The following MSR1 variants were observed in gnomAD, a reference collection of about 807,000 sequenced individuals.
MSR1 encodes the protein macrophage scavenger receptor 1.
In MSR1, 53 loss-of-function variants were observed where a neutral mutation model predicts 47.2. That is an observed-to-expected ratio of 1.12 (90% CI 0.90 to 1.41). The LOEUF is 1.41. Among genes scored for constraint, MSR1 ranks in the 40% most tolerant of loss-of-function variants. The pLI, the probability that MSR1 is intolerant of heterozygous loss-of-function variation, is 0.00. For synonymous variants in MSR1, 239 were observed against 185.6 expected (o/e 1.29, Z -2.34); for missense variants, 786 against 546.9 (o/e 1.44, Z -4.36).
chr8:16,119,209 T>A lies in MSR1; in HGVS notation c.1222+1209A>T, dbSNP rs35272661. The stretch of plus-strand genomic sequence containing the variant: ...CTAGAACCTGAGACTTCTGCTTAAA[T>A]CCATCTCTTAAACCTAATATGATAA... On this transcript the variant is annotated intron_variant, in intron 9 of 9. Transcript: ENST00000262101. Among the ~76,000 whole-genome samples the A allele has an allele frequency of 8.7e-3, 1,321 of 152,234 alleles. 19 individuals carry two copies. Among genetic ancestry groups the A allele is most frequent in the African/African-American group, 0.03 (1,230 of 41,554 alleles).
intron 8 of MSR1, among the ~76,000 whole-genome samples, chr8:16,126,575 T>C (rs895101897): frequency 6.6e-6 from 1 of 152,164 alleles, no homozygotes; most frequent in Non-Finnish European, 1.5e-5. Context: ...ATGAGATACT[T>C]AGCAATGAAA....
chr8:16,177,357 A>T (rs1323760502), intron 2 of MSR1, among the ~76,000 whole-genome samples: 1 of 152,088 alleles, frequency 6.6e-6, no homozygotes, highest in Non-Finnish European at 1.5e-5. Context: ...GAAGGCGGGA[A>T]AGATGAGTGG....
chr8:16,119,348 C>T (rs1799945482), intron 9 of MSR1, among the ~76,000 whole-genome samples: 1 of 152,050 alleles, frequency 6.6e-6, no homozygotes, highest in Admixed American at 6.6e-5. Context: ...GCCTCAGCCT[C>T]CAAAGTAGCT....
Position 16,164,108 on chromosome 8 carries a change from A to G in MSR1, c.774T>C (p.Asp258=), listed in dbSNP as rs1801236351. The part of the protein sequence containing the change: ...NNITNDLRLK[D]WEHSQTLRNI... Reference sequence around the variant, plus strand: ...TTCTCAAGGTCTGAGAATGTTCCCAATCTTTCAGTCTGAGATCATTAGTGA... The same window carrying G: ...TTCTCAAGGTCTGAGAATGTTCCCAGTCTTTCAGTCTGAGATCATTAGTGA... The change falls in exon 5 of 10, where the codon GAT becomes GAC. Residue 258 remains aspartate, a synonymous_variant. Coordinates refer to ENST00000262101, the MANE Select transcript of MSR1 (RefSeq NM_138715.3). 5.0e-6 allele frequency: 8 copies of G among 1,611,224 alleles called. No individual in the cohort carries two copies. In the East Asian group the frequency reaches 6.7e-5, roughly 14 times the overall value.
At chr8:16,170,217 G>C (rs566503480) in intron 3 of MSR1, among the ~76,000 whole-genome samples, 6 of 151,938 alleles carry the variant, frequency 3.9e-5, no homozygotes, top group Non-Finnish European at 5.9e-5. Context: ...GCGTGGTGGC[G>C]GGCGCCTGCA....
At chr8:16,172,966 T>C (rs373726747) in intron 3 of MSR1, among the ~76,000 whole-genome samples, 2 of 152,160 alleles carry the variant, frequency 1.3e-5, no homozygotes, top group Non-Finnish European at 1.5e-5. Context: ...GCTTTTTAGT[T>C]TCTTTTTGAA....
Position 16,139,599 on chromosome 8 carries a change from T to A in MSR1, c.1033+3959A>T, listed in dbSNP as rs41488549. Reference sequence around the variant, plus strand: ...ACCAAAAATATAACATGTAATCCCATAAGAGATTTTTAGAACAAAAGAATA... The same window carrying A: ...ACCAAAAATATAACATGTAATCCCAAAAGAGATTTTTAGAACAAAAGAATA... On this transcript the variant is annotated intron_variant, in intron 8 of 9. Coordinates refer to ENST00000262101, the MANE Select transcript of MSR1 (RefSeq NM_138715.3). 2.4e-5 allele frequency: 23 copies of A among 974,190 alleles called. No homozygotes were observed. In the East Asian group the frequency reaches 2.2e-3, roughly 92 times the overall value. The allele number at this position is 974,190 out of a possible 1,614,324, so 60.3% of individuals were successfully genotyped here. A position where few individuals can be genotyped will look rare whatever the true frequency, so the allele number is the denominator to read the frequency against.
At chr8:16,182,397 C>T (rs1801858790) in intron 1 of MSR1, among the ~76,000 whole-genome samples, 1 of 151,972 alleles carries the variant, frequency 6.6e-6, no homozygotes, top group Non-Finnish European at 1.5e-5. Flanking sequence ...TTTATTTGTT[C>T]AATAATAAAT....
intron 1 of MSR1, among the ~76,000 whole-genome samples, chr8:16,181,309 C>A (rs573336592): frequency 6.6e-6 from 1 of 152,258 alleles, no homozygotes; most frequent in African/African-American, 2.4e-5. Flanking sequence ...TACACCCCAC[C>A]AACAGTGTAA....
chr8:16,124,376 T>C (rs540261252), intron 8 of MSR1, among the ~76,000 whole-genome samples: 1 of 152,190 alleles, frequency 6.6e-6, no homozygotes, highest in Non-Finnish European at 1.5e-5. Context: ...ATTACAAACA[T>C]AGTAGACGAG....
rs545537033 is a variant in MSR1, at chr8:16,159,676, T to C, written c.817+4389A>G. Among the ~76,000 whole-genome samples, 291 of 152,070 alleles carry C rather than the reference T, an allele frequency of 1.9e-3. 1 individual carries two copies. Among genetic ancestry groups the C allele is most frequent in the African/African-American group, 6.8e-3 (283 of 41,526 alleles). ...TATAAAGAACAGTTTCTAATGGAAG[T>C]AGCTTGTGTCCAGGAAGAGTGAACA... On this transcript the variant is annotated intron_variant, in intron 5 of 9. Coordinates refer to ENST00000262101, the MANE Select transcript of MSR1 (RefSeq NM_138715.3).
intron 3 of MSR1, among the ~76,000 whole-genome samples, chr8:16,169,082 C>T (rs533291118): frequency 1.3e-5 from 2 of 152,042 alleles, no homozygotes; most frequent in South Asian, 2.1e-4. Context: ...TCCTATTTTA[C>T]GTTAAGATGA....
intron 1 of MSR1, among the ~76,000 whole-genome samples, chr8:16,189,589 TA>T (rs1802125815): frequency 1.0e-5 from 1 of 97,826 alleles, no homozygotes; most frequent in African/African-American, 5.3e-5. Context: ...ATTTTATATA[TA>T]TTTTATATAT....
intron 1 of MSR1, among the ~76,000 whole-genome samples, chr8:16,179,195 A>G (rs565131570): frequency 6.6e-6 from 1 of 152,330 alleles, no homozygotes; most frequent in East Asian, 1.9e-4. Context: ...TCAGTAATTT[A>G]ATAGAGTAAA....
intron 7 of MSR1, 22 bp from the exon 8 acceptor site, chr8:16,143,633 T>C (rs2117115144): frequency 3.1e-6 from 5 of 1,605,224 alleles, no homozygotes; most frequent in South Asian, 1.1e-5. Context: ...AAGAAAAATA[T>C]TTGTTTTTAA....
chr8:16,163,789 T>C (rs1315702748), intron 5 of MSR1, among the ~76,000 whole-genome samples: 1 of 151,808 alleles, frequency 6.6e-6, no homozygotes, highest in East Asian at 1.9e-4. Flanking sequence ...AAAAAACTTG[T>C]ATTCAGTACT....
intron 8 of MSR1, among the ~76,000 whole-genome samples, chr8:16,135,818 C>G (rs1312497835): frequency 1.3e-5 from 2 of 152,046 alleles, no homozygotes; most frequent in Non-Finnish European, 2.9e-5. Context: ...GATTCCAACC[C>G]TCATGAATGA....
chr8:16,141,539 G>A (rs1800556967), intron 8 of MSR1, among the ~76,000 whole-genome samples: 1 of 152,114 alleles, frequency 6.6e-6, no homozygotes, highest in Non-Finnish European at 1.5e-5. Flanking sequence ...GCGAAAAGCA[G>A]AATATACCAC....
At chr8:16,172,595 C>G (rs558707807) in intron 3 of MSR1, among the ~76,000 whole-genome samples, 123 of 152,148 alleles carry the variant, frequency 8.1e-4, no homozygotes, top group African/African-American at 2.9e-3. Context: ...CATATCTACT[C>G]TTTCATATTG....
Sources: allele counts gnomAD v4.1 joint callset (sites outside exome capture counted in the v4.1 genomes callset), GRCh38; gene constraint gnomAD v4.1.1; transcripts MANE v1.5; gene names NCBI Gene and HGNC (gene_info 2026-07-23, HGNC 2026-07-21).